The following NUDCD3 variants were observed in gnomAD, a reference collection of about 807,000 sequenced individuals.
NUDCD3 encodes the protein NudC domain containing 3.
In NUDCD3, 13 loss-of-function variants were observed where a neutral mutation model predicts 39.7. The observed-to-expected ratio is 0.33, with a 90% CI of 0.21 to 0.52. The LOEUF is 0.52. Among genes scored for constraint, NUDCD3 ranks in the 20% least tolerant of loss-of-function variants. The probability of loss-of-function intolerance (pLI) is 0.96; values close to 1 mark genes in which losing one functional copy is unlikely to be tolerated. For synonymous variants in NUDCD3, 175 were observed against 172.4 expected, an observed-to-expected ratio of 1.02 and a Z score of -0.12; for missense variants, 453 against 458.1, an observed-to-expected ratio of 0.99 and a Z score of 0.10.
chr7:44,413,028 T>C, intron 3 of NUDCD3, among the ~76,000 whole-genome samples: 1 of 151,320 alleles, frequency 6.6e-6, no homozygotes. Context: ...AAGTGGATTA[T>C]AAGGCAGCAA....
intron 3 of NUDCD3, among the ~76,000 whole-genome samples, chr7:44,413,951 A>G (rs1798975422): frequency 6.6e-6 from 1 of 152,158 alleles, no homozygotes; most frequent in Admixed American, 6.5e-5. Context: ...GCTGCTCAGG[A>G]GACTGAGATG....
chr7:44,391,178 C>A (rs1798507900), intron 5 of NUDCD3, among the ~76,000 whole-genome samples: 1 of 152,124 alleles, frequency 6.6e-6, no homozygotes, highest in African/African-American at 2.4e-5. Flanking sequence ...AAAAAACAAA[C>A]AAACTGTATT....
chr7:44,429,315 T>C lies in NUDCD3; in HGVS notation c.510-1612A>G, dbSNP rs922186273. Among the ~76,000 whole-genome samples, 8 of 152,286 alleles carry C rather than the reference T, an allele frequency of 5.3e-5. No individual in the cohort carries two copies. The East Asian group carries it at 7.7e-4, about 15-fold the overall frequency. ...GGTGATGCAGTTACAACAAGGTCAT[T>C]AGGGTGGGCCCTAATCCACTATGAC... On this transcript the variant is annotated intron_variant, in intron 2 of 5. Transcript: ENST00000355451.
At chr7:44,413,362 G>A (rs897854417) in intron 3 of NUDCD3, 1 of 152,160 alleles carries the variant, frequency 6.6e-6, no homozygotes, top group Non-Finnish European at 1.5e-5. Context: ...GCTGAGACGG[G>A]AGAATCAATA....
At chr7:44,405,921 C>T (rs1055697721) in intron 3 of NUDCD3, among the ~76,000 whole-genome samples, 1 of 152,092 alleles carries the variant, frequency 6.6e-6, no homozygotes, top group African/African-American at 2.4e-5. Flanking sequence ...CTCAGCCTCC[C>T]GAGTAACTGG....
chr7:44,470,874 C>T (rs1800241251), intron 2 of NUDCD3, among the ~76,000 whole-genome samples: 1 of 152,134 alleles, frequency 6.6e-6, no homozygotes. Flanking sequence ...CTCTGAGTTG[C>T]CCTAAGAAGA....
intron 4 of NUDCD3, among the ~76,000 whole-genome samples, chr7:44,393,267 A>T (rs1798554018): frequency 6.6e-6 from 1 of 152,182 alleles, no homozygotes; most frequent in South Asian, 2.1e-4. Flanking sequence ...GGTCAAAGGA[A>T]GCAGCACCCA....
At chr7:44,476,011 G>C (rs1398502237) in intron 2 of NUDCD3, among the ~76,000 whole-genome samples, 1 of 152,102 alleles carries the variant, frequency 6.6e-6, no homozygotes, top group East Asian at 1.9e-4. Context: ...ATGCTAAGTA[G>C]GTCTCATTCA....
chr7:44,440,619 A>G (rs916116288), intron 2 of NUDCD3, among the ~76,000 whole-genome samples: 1 of 151,538 alleles, frequency 6.6e-6, no homozygotes, highest in African/African-American at 2.4e-5. Context: ...ACACTCAAAG[A>G]GAGGGAAAGG....
intron 2 of NUDCD3, among the ~76,000 whole-genome samples, chr7:44,477,822 C>CTTTTTTTTT (rs938640330): frequency 2.1e-5 from 2 of 94,154 alleles, no homozygotes; most frequent in African/African-American, 4.0e-5. Flanking sequence ...ATGAACAATT[C>CTTTTTTTTT]TTTTTTTTTT....
At chr7:44,421,742 G>GA in intron 3 of NUDCD3, among the ~76,000 whole-genome samples, 1 of 152,294 alleles carries the variant, frequency 6.6e-6, no homozygotes, top group Admixed American at 6.5e-5. Flanking sequence ...ACACCCCACT[G>GA]TCAATATTAG....
At chr7:44,455,843 G>A (rs904646260) in intron 2 of NUDCD3, among the ~76,000 whole-genome samples, 9 of 151,084 alleles carry the variant, frequency 6.0e-5, no homozygotes, top group African/African-American at 1.5e-4. Flanking sequence ...CGGCTAAAAC[G>A]GTGAAACCCC....
At chr7:44,486,881 CAT>C (rs1227145924) in intron 1 of NUDCD3, among the ~76,000 whole-genome samples, 14 of 152,204 alleles carry the variant, frequency 9.2e-5, no homozygotes, top group Admixed American at 1.3e-4. Flanking sequence ...CCAACTATCA[CAT>C]GTTCTCAGTA....
intron 4 of NUDCD3, among the ~76,000 whole-genome samples, chr7:44,395,119 C>A (rs994389591): frequency 9.9e-5 from 15 of 152,250 alleles, no homozygotes; most frequent in Non-Finnish European, 1.9e-4. Context: ...GGTATATTCA[C>A]ATGCCCAAGT....
intron 3 of NUDCD3, among the ~76,000 whole-genome samples, chr7:44,408,934 AGACT>A (rs1378752417): frequency 1.3e-5 from 2 of 152,218 alleles, no homozygotes; most frequent in Non-Finnish European, 2.9e-5. Flanking sequence ...CTCATTTGCA[AGACT>A]GACTGACTGT....
chr7:44,431,274 A>C (rs754573359), intron 2 of NUDCD3, among the ~76,000 whole-genome samples: 3 of 152,170 alleles, frequency 2.0e-5, no homozygotes, highest in Admixed American at 1.3e-4. Flanking sequence ...GTGAGTCAGC[A>C]GTCAGGTTGA....
intron 5 of NUDCD3, among the ~76,000 whole-genome samples, chr7:44,386,408 T>C (rs1439326385): frequency 6.6e-6 from 1 of 152,194 alleles, no homozygotes; most frequent in Non-Finnish European, 1.5e-5. Flanking sequence ...GTTCATCTTG[T>C]CCCTTTTCCA....
intron 4 of NUDCD3, among the ~76,000 whole-genome samples, chr7:44,399,873 A>T (rs2116869289): frequency 6.6e-6 from 1 of 152,372 alleles, no homozygotes; most frequent in East Asian, 1.9e-4. Flanking sequence ...TGAGTTTTAA[A>T]GCCTGAGCTT....
At chr7:44,408,526 A>G (rs1173604881) in intron 3 of NUDCD3, among the ~76,000 whole-genome samples, 2 of 152,210 alleles carry the variant, frequency 1.3e-5, no homozygotes, top group African/African-American at 4.8e-5. Context: ...ACCCTCAGGA[A>G]AACAAAAAAG....
Sources: gnomAD v4.1 joint callset for allele counts (sites outside exome capture counted in the v4.1 genomes callset) on GRCh38, gnomAD v4.1.1 for gene constraint, MANE v1.5 for transcripts, NCBI Gene and HGNC (gene_info 2026-07-23, HGNC 2026-07-21) for gene names.